The following SUGCT variants were observed in gnomAD, a reference collection of about 807,000 sequenced individuals.
SUGCT encodes the protein succinyl-CoA:glutarate-CoA transferase.
A neutral mutation model predicts 55.0 loss-of-function variants in SUGCT; 41 were observed. That is an observed-to-expected ratio of 0.74 (90% confidence interval 0.58 to 0.97). The LOEUF (loss-of-function observed/expected upper bound fraction) is 0.97, where lower values mean the gene tolerates loss of function less well. SUGCT is among the 50% of genes least tolerant of loss of function. The probability of loss-of-function intolerance (pLI) is 0.00; values close to 1 mark genes in which losing one functional copy is unlikely to be tolerated. For missense variants in SUGCT, 568 were observed against 547.8 expected, an observed-to-expected ratio of 1.04 and a Z score of -0.37; for synonymous variants, 187 against 200.4, an observed-to-expected ratio of 0.93 and a Z score of 0.56.
chr7:40,416,950 T>C (rs1305438589), intron 9 of SUGCT, among the ~76,000 whole-genome samples: 8 of 152,020 alleles, frequency 5.3e-5, no homozygotes, highest in Non-Finnish European at 1.2e-4. Context: ...GGTTTGTATA[T>C]TCATTTGGTC....
chr7:40,155,141 T>A (rs1783819195), intron 1 of SUGCT, among the ~76,000 whole-genome samples: 1 of 152,014 alleles, frequency 6.6e-6, no homozygotes, highest in Non-Finnish European at 1.5e-5. Context: ...AAAAATTAGC[T>A]GGGTGTAGTG....
At chr7:40,712,097 T>G (rs1490512170) in intron 12 of SUGCT, among the ~76,000 whole-genome samples, 1 of 152,252 alleles carries the variant, frequency 6.6e-6, no homozygotes. Context: ...TGACTTTGAC[T>G]TTGTTGCCTT....
At chr7:40,214,913 CAAAA>C (rs960681658) in intron 6 of SUGCT, among the ~76,000 whole-genome samples, 2 of 109,236 alleles carry the variant, frequency 1.8e-5, no homozygotes, top group Non-Finnish European at 1.9e-5. Flanking sequence ...GACTCTGTCT[CAAAA>C]AAAAAAAAAG....
chr7:40,227,942 G>A lies in SUGCT; in HGVS notation c.485-9693G>A, dbSNP rs186346464. 5.3e-4 allele frequency among the ~76,000 whole-genome samples: 80 copies of A among 151,940 alleles called. 1 individual carries two copies. The highest frequency in any genetic ancestry group is 1.8e-3 in the African/African-American group (74 of 41,466). ...TTGTTGCCCAGGCTGGAGTGCAATGGCACCATCTCGGCTCACTGCAATCTC... is the reference window on the plus strand; with the variant it reads ...TTGTTGCCCAGGCTGGAGTGCAATGACACCATCTCGGCTCACTGCAATCTC... On this transcript the variant is annotated intron_variant, in intron 6 of 13. Coordinates refer to ENST00000335693, the MANE Select transcript of SUGCT (RefSeq NM_001193313.2).
chr7:40,603,325 G>A (rs1798377614), intron 12 of SUGCT, among the ~76,000 whole-genome samples: 1 of 152,114 alleles, frequency 6.6e-6, no homozygotes, highest in African/African-American at 2.4e-5. Flanking sequence ...TGGTATTCTT[G>A]TGTGCCCAAG....
intron 12 of SUGCT, among the ~76,000 whole-genome samples, chr7:40,502,836 C>T (rs116539000): frequency 6.6e-6 from 1 of 152,026 alleles, no homozygotes; most frequent in Non-Finnish European, 1.5e-5. Context: ...TTGTTAGCCT[C>T]CAACTAAATT....
chr7:40,324,252 A>ATATATATATATATATATATATATATAT (rs1554311560), intron 9 of SUGCT, among the ~76,000 whole-genome samples: 2 of 117,614 alleles, frequency 1.7e-5, no homozygotes, highest in African/African-American at 3.5e-5. Context: ...TAAATAAATA[A>ATATATATATATATATATATATATATAT]ATATATATAT....
At chr7:40,149,517 G>A (rs568482115) in intron 1 of SUGCT, among the ~76,000 whole-genome samples, 2 of 152,314 alleles carry the variant, frequency 1.3e-5, no homozygotes, top group African/African-American at 2.4e-5. Flanking sequence ...GGCTGGGCGC[G>A]GTGGCTCATG....
the SUGCT span, among the ~76,000 whole-genome samples, chr7:40,950,250 C>G: frequency 1.3e-5 from 2 of 152,144 alleles, no homozygotes; most frequent in South Asian, 2.1e-4. Flanking sequence ...TGATTTGGCT[C>G]TCTGTTTGTC....
chr7:40,162,041 C>T lies in SUGCT; in HGVS notation c.101-18906C>T, dbSNP rs191641556. On this transcript the variant is annotated intron_variant, in intron 1 of 13. Coordinates refer to ENST00000335693, the MANE Select transcript of SUGCT (RefSeq NM_001193313.2). Reference sequence around the variant, plus strand: ...CCTCCCAAGTAGCTGGGATTACAGGCGCCCACCACTATGCCCAGCTAATTT... The same window carrying T: ...CCTCCCAAGTAGCTGGGATTACAGGTGCCCACCACTATGCCCAGCTAATTT... Among the ~76,000 whole-genome samples the T allele has an allele frequency of 1.2e-3, 185 of 152,062 alleles. 2 individuals are homozygous for T. Among genetic ancestry groups the T allele is most frequent in the African/African-American group, 4.3e-3 (177 of 41,486 alleles).
At chr7:40,899,833 T>G in the SUGCT span, among the ~76,000 whole-genome samples, 13 of 152,096 alleles carry the variant, frequency 8.5e-5, no homozygotes, top group South Asian at 2.1e-4. Context: ...GGAAATTGAG[T>G]CTTTAACCTG....
At chr7:40,377,859 G>C (rs1289348227) in intron 9 of SUGCT, among the ~76,000 whole-genome samples, 1 of 152,016 alleles carries the variant, frequency 6.6e-6, no homozygotes. Context: ...AGAATTCTTG[G>C]TATATGTTTT....
rs146429507 is a variant in SUGCT, at chr7:40,267,459, A to T, written c.577-7054A>T. Among the ~76,000 whole-genome samples, 94 of 152,338 alleles carry T rather than the reference A, an allele frequency of 6.2e-4. 1 individual carries two copies. The East Asian group carries it at 0.018, about 29-fold the overall frequency. On this transcript the variant is annotated intron_variant, in intron 7 of 13. Transcript: ENST00000335693. ...TCCACTTCTAATAAATTATGGTGAG[A>T]TTCTCAGGCATATTGCTTAACAAGG...
In SUGCT at chr7:40,245,425, T is replaced by TA. The variant is rs60745175; in HGVS notation, c.576+7699_576+7700insA. Among the ~76,000 whole-genome samples, 46 of 12,616 alleles carry TA rather than the reference T, an allele frequency of 3.6e-3. 3 individuals are homozygous for TA. Among genetic ancestry groups the TA allele is most frequent in the Non-Finnish European group, 4.1e-3 (32 of 7,786 alleles). 8.3% of individuals were successfully genotyped at this position (12,616 alleles called of 152,430 possible). A position where few individuals can be genotyped will look rare whatever the true frequency, so the allele number is the denominator to read the frequency against. On this transcript the variant is annotated intron_variant, in intron 7 of 13. Coordinates refer to ENST00000335693, the MANE Select transcript of SUGCT (RefSeq NM_001193313.2). ...TAGACATATATATATATATATATATTTTTTTTTTTTTTTTTTTTTTTTTTT... is the reference window on the plus strand; with the variant it reads ...TAGACATATATATATATATATATATTATTTTTTTTTTTTTTTTTTTTTTTTT...
chr7:40,931,385 T>C, the SUGCT span, among the ~76,000 whole-genome samples: 1 of 152,176 alleles, frequency 6.6e-6, no homozygotes, highest in African/African-American at 2.4e-5. Flanking sequence ...AAAATTCTCT[T>C]TTTTTGTTGT....
chr7:40,997,332 C>T, the SUGCT span, among the ~76,000 whole-genome samples: 1 of 152,214 alleles, frequency 6.6e-6, no homozygotes, highest in South Asian at 2.1e-4. Flanking sequence ...CCTCACCTTG[C>T]TGGGACCATC....
At chr7:40,871,965 GAAA>G in the SUGCT span, among the ~76,000 whole-genome samples, 1 of 152,152 alleles carries the variant, frequency 6.6e-6, no homozygotes, top group Admixed American at 6.5e-5. Flanking sequence ...TCCCTCATGG[GAAA>G]TTTGGCAATG....
chr7:40,349,277 C>T (rs958845818), intron 9 of SUGCT, among the ~76,000 whole-genome samples: 2 of 152,122 alleles, frequency 1.3e-5, no homozygotes, highest in Non-Finnish European at 2.9e-5. Context: ...ATCAGGGGAA[C>T]TATGTCTCTT....
chr7:40,275,130 G>A (rs1012896748), intron 8 of SUGCT, among the ~76,000 whole-genome samples: 4 of 152,088 alleles, frequency 2.6e-5, no homozygotes, highest in East Asian at 1.9e-4. Flanking sequence ...TAAAATACAC[G>A]GACCATGAAG....
Sources: allele counts gnomAD v4.1 joint callset (sites outside exome capture counted in the v4.1 genomes callset), GRCh38; gene constraint gnomAD v4.1.1; transcripts MANE v1.5; gene names NCBI Gene and HGNC (gene_info 2026-07-23, HGNC 2026-07-21).